Variants in GRIN2A observed in about 807,000 individuals in gnomAD.
GRIN2A encodes the protein glutamate ionotropic receptor NMDA type subunit 2A.
GRIN2A carries 22 observed loss-of-function variants against 113.4 expected under a neutral mutation model. That is an observed-to-expected ratio of 0.19 (90% CI 0.14 to 0.28). GRIN2A has a LOEUF of 0.28. Among genes scored for constraint, GRIN2A ranks in the 10% least tolerant of loss-of-function variants. GRIN2A has a pLI of 1.00. For missense variants in GRIN2A, 1,502 were observed against 1,887.0 expected (o/e 0.80, Z 3.78); for synonymous variants, 827 against 738.4 (o/e 1.12, Z -1.94).
At chr16:9,995,085 T>C (rs570263539) in intron 2 of GRIN2A, among the ~76,000 whole-genome samples, 1 of 152,322 alleles carries the variant, frequency 6.6e-6, no homozygotes, top group South Asian at 2.1e-4. Context: ...TTTCATCAAA[T>C]TCTTCAATGT....
intron 2 of GRIN2A, among the ~76,000 whole-genome samples, chr16:9,991,694 T>C (rs1053222097): frequency 3.9e-5 from 6 of 152,154 alleles, no homozygotes; most frequent in African/African-American, 1.4e-4. Flanking sequence ...CCTCAACACA[T>C]ATACACCATG....
chr16:10,155,290 G>A (rs1402040555), intron 2 of GRIN2A, among the ~76,000 whole-genome samples: 3 of 132,892 alleles, frequency 2.3e-5, no homozygotes, highest in East Asian at 3.9e-4. Flanking sequence ...GAGTTTGCAG[G>A]AAGAAGTTTT....
At chr16:10,171,145 T>C (rs556126115) in intron 2 of GRIN2A, among the ~76,000 whole-genome samples, 18 of 152,316 alleles carry the variant, frequency 1.2e-4, no homozygotes, top group African/African-American at 4.1e-4. Flanking sequence ...AATGTATTCG[T>C]AGTCATTAAC....
chr16:9,759,659 GT>G lies in GRIN2A; in HGVS notation c.*3489del, dbSNP rs1900493554. On this transcript the variant is annotated 3_prime_UTR_variant, in exon 13 of 13. Transcript: ENST00000330684. ...TGAATCAGGGAAGAGAAAATCAAGA[GT>G]AATCCGTGGATGCCCAGTCATGGTG... The G allele has an allele frequency of 8.7e-6, 2 of 230,204 alleles. No individual in the cohort carries two copies. Among genetic ancestry groups the G allele is most frequent in the South Asian group, 3.6e-4 (2 of 5,506 alleles). 14.3% of individuals were successfully genotyped at this position (230,204 alleles called of 1,614,324 possible).
At chr16:9,780,998 T>TTTTC (rs1409661350) in intron 11 of GRIN2A, among the ~76,000 whole-genome samples, 1 of 151,736 alleles carries the variant, frequency 6.6e-6, no homozygotes, top group African/African-American at 2.4e-5. Flanking sequence ...ACTAATCTTT[T>TTTTC]TTTTTTTTTA....
At chr16:9,827,934 A>C (rs527553804) in intron 9 of GRIN2A, among the ~76,000 whole-genome samples, 1 of 152,118 alleles carries the variant, frequency 6.6e-6, no homozygotes, top group African/African-American at 2.4e-5. Context: ...TCCTGCCCCA[A>C]ATTTCCAAAT....
intron 2 of GRIN2A, among the ~76,000 whole-genome samples, chr16:10,048,708 T>A (rs2047302335): frequency 6.6e-6 from 1 of 152,188 alleles, no homozygotes; most frequent in African/African-American, 2.4e-5. Context: ...GGCTAAGCAG[T>A]ATTCCATTCT....
intron 2 of GRIN2A, among the ~76,000 whole-genome samples, chr16:10,168,499 C>CA (rs2049969358): frequency 2.0e-5 from 3 of 152,094 alleles, no homozygotes; most frequent in Admixed American, 2.0e-4. Context: ...AGAGGTGACC[C>CA]AACCCAACCT....
intron 2 of GRIN2A, among the ~76,000 whole-genome samples, chr16:10,143,465 T>C (rs1264151479): frequency 2.6e-5 from 4 of 152,322 alleles, no homozygotes; most frequent in African/African-American, 9.6e-5. Context: ...TAGGTATTTA[T>C]GTTTAAAAAC....
chr16:9,758,330 A>T lies in GRIN2A; in HGVS notation c.*4819T>A, dbSNP rs1900442264. The T allele has an allele frequency of 4.4e-6, 1 of 224,728 alleles. No homozygotes were observed. Among genetic ancestry groups the T allele is most frequent in the Non-Finnish European group, 8.9e-6 (1 of 112,778 alleles). 13.9% of individuals were successfully genotyped at this position (224,728 alleles called of 1,614,324 possible). A position where few individuals can be genotyped will look rare whatever the true frequency, so the allele number is the denominator to read the frequency against. Reference sequence around the variant, plus strand: ...CATATCGGCATTGTCTTCAGAAGCAAATGCGAGCAGAATATATTCTATACC... The same window carrying T: ...CATATCGGCATTGTCTTCAGAAGCATATGCGAGCAGAATATATTCTATACC... On this transcript the variant is annotated 3_prime_UTR_variant, in exon 13 of 13. Coordinates refer to ENST00000330684, the MANE Select transcript of GRIN2A (RefSeq NM_001134407.3).
intron 11 of GRIN2A, among the ~76,000 whole-genome samples, chr16:9,776,743 A>C (rs911842298): frequency 2.0e-5 from 3 of 152,002 alleles, no homozygotes; most frequent in South Asian, 2.1e-4. Context: ...ACCCCATTTC[A>C]ATCCTGTTTC....
intron 3 of GRIN2A, among the ~76,000 whole-genome samples, chr16:9,894,152 T>C (rs934700925): frequency 6.6e-6 from 1 of 151,816 alleles, no homozygotes; most frequent in African/African-American, 2.4e-5. Context: ...AAGTAAAGAG[T>C]CAGCAAAGGT....
intron 10 of GRIN2A, among the ~76,000 whole-genome samples, chr16:9,812,091 G>A (rs2042097267): frequency 6.6e-6 from 1 of 152,120 alleles, no homozygotes; most frequent in African/African-American, 2.4e-5. Context: ...CCTTAATTGT[G>A]GAATATTATG....
chr16:9,830,227 T>C (rs1199124050), intron 8 of GRIN2A, among the ~76,000 whole-genome samples: 1 of 152,230 alleles, frequency 6.6e-6, no homozygotes, highest in Non-Finnish European at 1.5e-5. Context: ...CAATAGATCT[T>C]AATTCTTCCA....
intron 3 of GRIN2A, among the ~76,000 whole-genome samples, chr16:9,898,054 C>CATT (rs2043841558): frequency 9.1e-6 from 1 of 109,722 alleles, no homozygotes; most frequent in Non-Finnish European, 1.8e-5. Context: ...CCTCCATTTC[C>CATT]TTTTTTTTTT....
At chr16:9,960,879 G>C (rs1422192846) in intron 2 of GRIN2A, among the ~76,000 whole-genome samples, 2 of 152,192 alleles carry the variant, frequency 1.3e-5, no homozygotes, top group South Asian at 2.1e-4. Flanking sequence ...TCCTGCCTCA[G>C]TCTCCCAAAG....
At chr16:10,113,060 T>C (rs2048651244) in intron 2 of GRIN2A, among the ~76,000 whole-genome samples, 1 of 151,964 alleles carries the variant, frequency 6.6e-6, no homozygotes, top group Non-Finnish European at 1.5e-5. Context: ...GAGCATCCCC[T>C]ACAGAGTCGG....
At chr16:9,978,829 C>T (rs1225060728) in intron 2 of GRIN2A, among the ~76,000 whole-genome samples, 4 of 152,268 alleles carry the variant, frequency 2.6e-5, no homozygotes, top group South Asian at 2.1e-4. Flanking sequence ...GATGACATAA[C>T]GTGGCACGGG....
rs776257994 is a variant in GRIN2A, at chr16:9,764,725, T to G, written c.2819A>C (p.Asn940Thr). 3 of 1,614,252 alleles carry G rather than the reference T, an allele frequency of 1.9e-6. No homozygotes were observed. In the African/African-American group the frequency reaches 4.0e-5, roughly 22 times the overall value. Residue 940 changes from asparagine (N) to threonine (T), a missense_variant, in exon 13 of 13, where the codon AAT becomes ACT. By Grantham distance (65) the Asn-to-Thr change is moderately conservative. Coordinates refer to ENST00000330684, the MANE Select transcript of GRIN2A (RefSeq NM_001134407.3). ...LIMDMVSDKG[N>T]LMYSDNRSFQ... ...GGACCTGTTGTCTGAGTACATCAAA[T>G]TCCCCTTATCTGAAACCATGTCCAT...
Sources: allele counts gnomAD v4.1 joint callset (sites outside exome capture counted in the v4.1 genomes callset), GRCh38; gene constraint gnomAD v4.1.1; transcripts MANE v1.5; gene names NCBI Gene and HGNC (gene_info 2026-07-23, HGNC 2026-07-21).